MRTFA: variants seen among roughly 807,000 people sequenced by gnomAD.
The protein encoded by MRTFA is myocardin related transcription factor A.
In MRTFA, 20 loss-of-function variants were observed where a neutral mutation model predicts 83.5. The observed-to-expected ratio is 0.24, with a 90% CI of 0.17 to 0.35. The LOEUF (loss-of-function observed/expected upper bound fraction) is 0.35. Among genes scored for constraint, MRTFA ranks in the 10% least tolerant of loss-of-function variants. The pLI, the probability that MRTFA is intolerant of heterozygous loss-of-function variation, is 1.00. For missense variants in MRTFA, 1,200 were observed against 1,224.7 expected (o/e 0.98, Z 0.30); for synonymous variants, 659 against 541.2 (o/e 1.22, Z -3.02).
chr22:40,419,431 G>C (rs745702488), intron 11 of MRTFA, 47 bp from the exon 12 acceptor site: 14 of 1,574,762 alleles, frequency 8.9e-6, no homozygotes, highest in Non-Finnish European at 1.1e-5. Context: ...GCTGGACACA[G>C]GGCACTGGGT....
chr22:40,412,048 A>G, intron 14 of MRTFA, 141 bp from the exon 15 acceptor site: 4 of 622,208 alleles, frequency 6.4e-6, no homozygotes, highest in South Asian at 5.4e-5. Flanking sequence ...TGTAAGAGCT[A>G]AGACTATAAA....
Position 40,411,365 on chromosome 22 carries a change from C to G in MRTFA, c.*25G>C. 6.5e-7 allele frequency: 1 copy of G among 1,533,354 alleles called. No individual in the cohort carries two copies. The highest frequency in any genetic ancestry group is 8.8e-7 in the Non-Finnish European group (1 of 1,133,426). 95.0% of individuals were successfully genotyped at this position (1,533,354 alleles called of 1,614,324 possible). A position where few individuals can be genotyped will look rare whatever the true frequency, so the allele number is the denominator to read the frequency against. On this transcript the variant is annotated 3_prime_UTR_variant, in exon 15 of 15. Transcript: ENST00000355630. The stretch of plus-strand genomic sequence containing the variant: ...GGAGTACCCTGGCTCCCAGCCCCTT[C>G]CCCACCCCGTCTTGAGCCAGAGAGC...
At chr22:40,543,127 G>C (rs2055315571) in intron 3 of MRTFA, among the ~76,000 whole-genome samples, 2 of 152,194 alleles carry the variant, frequency 1.3e-5, no homozygotes, top group Admixed American at 1.3e-4. Flanking sequence ...ACATGCCTAA[G>C]ATTGGAGGAT....
chr22:40,413,128 AC>A (rs1371338540), intron 14 of MRTFA, among the ~76,000 whole-genome samples: 16 of 104,502 alleles, frequency 1.5e-4, no homozygotes, highest in Non-Finnish European at 2.6e-4. Context: ...ACAGAGTGAC[AC>A]CCTGTCTCAA....
At chr22:40,571,790 G>A (rs1002893972) in intron 2 of MRTFA, among the ~76,000 whole-genome samples, 5 of 151,202 alleles carry the variant, frequency 3.3e-5, no homozygotes, top group African/African-American at 1.2e-4. Context: ...CGGGCATGGT[G>A]GCAGGTGCCT....
At chr22:40,441,108 T>G (rs2053266687) in intron 4 of MRTFA, among the ~76,000 whole-genome samples, 1 of 152,214 alleles carries the variant, frequency 6.6e-6, no homozygotes, top group African/African-American at 2.4e-5. Flanking sequence ...TGTGTGTTTA[T>G]AAGAATATAT....
chr22:40,506,309 A>C (rs1030635312), intron 3 of MRTFA, among the ~76,000 whole-genome samples: 1 of 152,194 alleles, frequency 6.6e-6, no homozygotes, highest in African/African-American at 2.4e-5. Flanking sequence ...ATAAAATATA[A>C]TCCCTTCTTG....
intron 1 of MRTFA, among the ~76,000 whole-genome samples, chr22:40,626,866 AACACACACACACAC>A (rs141945541): frequency 1.4e-5 from 2 of 145,128 alleles, no homozygotes; most frequent in African/African-American, 2.6e-5. Context: ...CCCTGTCTCA[AACACACACACACAC>A]ACACACACAC....
At chr22:40,544,956 TAAATA>T (rs2055340646) in intron 3 of MRTFA, among the ~76,000 whole-genome samples, 1 of 149,262 alleles carries the variant, frequency 6.7e-6, no homozygotes, top group Non-Finnish European at 1.5e-5. Flanking sequence ...ATAAATAAAA[TAAATA>T]TATATATATA....
chr22:40,513,175 G>T (rs543209324), intron 3 of MRTFA, among the ~76,000 whole-genome samples: 65 of 152,302 alleles, frequency 4.3e-4, no homozygotes, highest in African/African-American at 1.5e-3. Flanking sequence ...GTGTTCAGGA[G>T]TACCAAATCT....
intron 2 of MRTFA, among the ~76,000 whole-genome samples, chr22:40,586,369 C>T (rs563017360): frequency 1.3e-5 from 2 of 151,812 alleles, no homozygotes; most frequent in Admixed American, 1.3e-4. Flanking sequence ...CATGAAGATA[C>T]AAAGATTACT....
At chr22:40,418,345 C>T (rs2052733035) in intron 12 of MRTFA, 29 bp downstream of exon 12, 3 of 1,607,920 alleles carry the variant, frequency 1.9e-6, no homozygotes, top group Non-Finnish European at 2.5e-6. Flanking sequence ...TCCTCTGGGC[C>T]CTGCCCGGTT....
intron 1 of MRTFA, 76 bp downstream of exon 1, chr22:40,636,402 C>T (rs893549194): frequency 2.0e-5 from 3 of 152,158 alleles, no homozygotes; most frequent in African/African-American, 7.2e-5. Flanking sequence ...GCAGCAGGGT[C>T]GGGGGGGAAA....
Position 40,411,328 on chromosome 22 carries a change from G to A in MRTFA, c.*62C>T, listed in dbSNP as rs1228902933. On this transcript the variant is annotated 3_prime_UTR_variant, in exon 15 of 15. Transcript: ENST00000355630. ...TGTGGAGAGGCCGAATCACGCAGGA[G>A]AGCCACGCATTGGAGTACCCTGGCT... The A allele has an allele frequency of 1.3e-6, 2 of 1,489,362 alleles. No homozygotes were observed. Among genetic ancestry groups the A allele is most frequent in the East Asian group, 2.3e-5 (1 of 43,556 alleles). The allele number at this position is 1,489,362 out of a possible 1,614,324, so 92.3% of individuals were successfully genotyped here.
intron 2 of MRTFA, among the ~76,000 whole-genome samples, chr22:40,565,318 G>A (rs1015438733): frequency 6.6e-6 from 1 of 152,126 alleles, no homozygotes; most frequent in Non-Finnish European, 1.5e-5. Context: ...AGGCCAAGGC[G>A]GGAGGACCAC....
intron 14 of MRTFA, among the ~76,000 whole-genome samples, chr22:40,414,142 C>T (rs1388942793): frequency 6.6e-6 from 1 of 152,148 alleles, no homozygotes; most frequent in Non-Finnish European, 1.5e-5. Flanking sequence ...AGTTCAAAAC[C>T]AGCCTGGGCA....
intron 3 of MRTFA, among the ~76,000 whole-genome samples, chr22:40,486,449 T>A (rs549208930): frequency 6.6e-6 from 1 of 152,360 alleles, no homozygotes; most frequent in African/African-American, 2.4e-5. Flanking sequence ...AACAAAAAGC[T>A]ACCACTATAC....
At chr22:40,583,743 G>C (rs1397704872) in intron 2 of MRTFA, among the ~76,000 whole-genome samples, 2 of 152,122 alleles carry the variant, frequency 1.3e-5, no homozygotes, top group South Asian at 2.1e-4. Flanking sequence ...TTTCTTATGA[G>C]AATCTAATGC....
At chr22:40,476,802 G>A (rs2054004852) in intron 3 of MRTFA, among the ~76,000 whole-genome samples, 1 of 152,042 alleles carries the variant, frequency 6.6e-6, no homozygotes, top group Admixed American at 6.6e-5. Context: ...CCTTCAACTT[G>A]TGAAACCAGC....
Sources: gnomAD v4.1 joint callset for allele counts (sites outside exome capture counted in the v4.1 genomes callset) on GRCh38, gnomAD v4.1.1 for gene constraint, MANE v1.5 for transcripts, NCBI Gene and HGNC (gene_info 2026-07-23, HGNC 2026-07-21) for gene names.